Variants in HMCN1 observed in about 807,000 individuals in gnomAD.
HMCN1 encodes hemicentin-1.
In HMCN1, 321 loss-of-function variants were observed where a neutral mutation model predicts 625.9. The observed-to-expected ratio is 0.51, with a 90% confidence interval of 0.47 to 0.56. The LOEUF (loss-of-function observed/expected upper bound fraction) is 0.56. Ranked by LOEUF, HMCN1 falls within the 20% of genes least tolerant of loss-of-function variation. The probability of loss-of-function intolerance (pLI) is 0.00; values close to 1 mark genes in which losing one functional copy is unlikely to be tolerated. For missense variants in HMCN1, 6,588 were observed against 6,887.3 expected, an observed-to-expected ratio of 0.96 and a Z score of 1.54; for synonymous variants, 2,425 against 2,417.6, an observed-to-expected ratio of 1.00 and a Z score of -0.09.
intron 81 of HMCN1, among the ~76,000 whole-genome samples, chr1:186,124,589 T>C (rs1661555715): frequency 6.6e-6 from 1 of 152,102 alleles, no homozygotes; most frequent in Non-Finnish European, 1.5e-5. Flanking sequence ...TTCCAAGTTA[T>C]CTATGTTTGT....
At chr1:185,780,271 T>C (rs1040679119) in intron 1 of HMCN1, among the ~76,000 whole-genome samples, 6 of 152,216 alleles carry the variant, frequency 3.9e-5, no homozygotes, top group Admixed American at 2.0e-4. Context: ...GTTTTCTAAA[T>C]ATACAATCAT....
At chr1:185,782,471 G>A (rs1048846643) in intron 1 of HMCN1, among the ~76,000 whole-genome samples, 1 of 152,182 alleles carries the variant, frequency 6.6e-6, no homozygotes, top group Non-Finnish European at 1.5e-5. Context: ...GCATGTCTTT[G>A]CAGTGGTTGG....
chr1:186,179,431 C>A (rs1458115001), intron 104 of HMCN1, among the ~76,000 whole-genome samples: 1 of 152,094 alleles, frequency 6.6e-6, no homozygotes, highest in East Asian at 1.9e-4. Flanking sequence ...GAATTGAGAC[C>A]TTGTTTTCAG....
chr1:186,147,390 CTT>C (rs11287093), intron 93 of HMCN1, among the ~76,000 whole-genome samples: 5,984 of 138,392 alleles, frequency 0.043, 365 homozygotes, highest in African/African-American at 0.14. Context: ...GGCTTCATGT[CTT>C]TTTTTTTTTT....
At chr1:185,784,007 C>T (rs552435854) in intron 1 of HMCN1, among the ~76,000 whole-genome samples, 22 of 152,344 alleles carry the variant, frequency 1.4e-4, no homozygotes, top group South Asian at 6.2e-4. Context: ...GTTCCCAGTT[C>T]GAGCTTCCAG....
At chr1:186,154,130 G>A in intron 97 of HMCN1, 143 bp downstream of exon 97, 1 of 719,526 alleles carries the variant, frequency 1.4e-6, no homozygotes, top group East Asian at 2.7e-5. Context: ...GTTAAGTAAA[G>A]CCCTATGGAA....
chr1:185,821,085 A>G (rs1334056467), intron 1 of HMCN1, among the ~76,000 whole-genome samples: 1 of 152,016 alleles, frequency 6.6e-6, no homozygotes, highest in East Asian at 1.9e-4. Context: ...CACAGGATGT[A>G]CTATTGCTGT....
intron 4 of HMCN1, among the ~76,000 whole-genome samples, chr1:185,901,739 A>C (rs1259947677): frequency 1.3e-5 from 2 of 151,710 alleles, no homozygotes; most frequent in African/African-American, 2.4e-5. Flanking sequence ...GGTTCAATAC[A>C]TGTGTATCTG....
intron 1 of HMCN1, among the ~76,000 whole-genome samples, chr1:185,754,685 T>C (rs1442592870): frequency 2.0e-5 from 3 of 151,744 alleles, no homozygotes; most frequent in Non-Finnish European, 1.5e-5. Context: ...CTCCATCTCT[T>C]TAAAAAATAC....
At chr1:185,984,531 G>C (rs567758408) in intron 19 of HMCN1, among the ~76,000 whole-genome samples, 1 of 152,210 alleles carries the variant, frequency 6.6e-6, no homozygotes, top group Non-Finnish European at 1.5e-5. Flanking sequence ...AGCTGAGTCT[G>C]GCCAAGGGGT....
intron 11 of HMCN1, among the ~76,000 whole-genome samples, chr1:185,954,157 A>C (rs780009018): frequency 6.6e-6 from 1 of 151,762 alleles, no homozygotes; most frequent in African/African-American, 2.4e-5. Flanking sequence ...GCCATCTGGG[A>C]GTATATAAGT....
chr1:185,974,266 C>T (rs1294566768), intron 15 of HMCN1, among the ~76,000 whole-genome samples: 3 of 152,056 alleles, frequency 2.0e-5, no homozygotes, highest in Admixed American at 1.3e-4. Context: ...AGAAATTAAC[C>T]ATAGACTTAT....
chr1:185,896,597 T>C (rs1424778075), intron 4 of HMCN1, among the ~76,000 whole-genome samples: 1 of 152,202 alleles, frequency 6.6e-6, no homozygotes, highest in East Asian at 1.9e-4. Flanking sequence ...TAATATAAAA[T>C]AATGTATTTC....
intron 66 of HMCN1, among the ~76,000 whole-genome samples, chr1:186,094,073 T>A (rs1239358272): frequency 6.6e-6 from 1 of 152,144 alleles, no homozygotes; most frequent in African/African-American, 2.4e-5. Context: ...ATATTTTCAG[T>A]GGTTTATTGT....
chr1:186,048,141 C>T (rs1207506988), intron 41 of HMCN1, among the ~76,000 whole-genome samples: 1 of 152,058 alleles, frequency 6.6e-6, no homozygotes, highest in African/African-American at 2.4e-5. Flanking sequence ...CTTTATATCT[C>T]CTACCTACAC....
chr1:186,037,638 G>C (rs1655923581), intron 36 of HMCN1, among the ~76,000 whole-genome samples: 1 of 151,986 alleles, frequency 6.6e-6, no homozygotes, highest in South Asian at 2.1e-4. Context: ...AAATCAATCA[G>C]ATTAAGTAAA....
chr1:185,866,935 A>G (rs116277153), intron 4 of HMCN1, among the ~76,000 whole-genome samples: 136 of 152,018 alleles, frequency 8.9e-4, no homozygotes, highest in African/African-American at 3.1e-3. Context: ...AACGTGTGCC[A>G]TGGCATAATT....
chr1:186,042,208 T>G (rs1656256735), intron 40 of HMCN1, among the ~76,000 whole-genome samples: 1 of 152,154 alleles, frequency 6.6e-6, no homozygotes, highest in South Asian at 2.1e-4. Context: ...CAGATTTGCT[T>G]AGGTGTCTGA....
rs1349963142 is a variant in HMCN1 at position 185,994,925 on chromosome 1, A to G, written c.3616A>G (p.Lys1206Glu). 2 of 1,613,804 alleles carry G rather than the reference A, an allele frequency of 1.2e-6. No homozygotes were observed. Among genetic ancestry groups the G allele is most frequent in the Non-Finnish European group, 1.7e-6 (2 of 1,179,848 alleles). Residue 1206 changes from lysine (K) to glutamate (E), a missense_variant, in exon 24 of 107, where the codon AAA (lysine) becomes GAA (glutamate). Physicochemically the swap from Lys to Glu is moderately conservative, Grantham distance 56. This residue lies in a region of HMCN1 where 4,628 missense variants were observed against 4,853.1 expected (regional missense o/e 0.95). Coordinates refer to ENST00000271588, the MANE Select transcript of HMCN1 (RefSeq NM_031935.3). ...TCCTCTTCCTGTAATCACCTGGTCC[A>G]AAGGTGGAAGCACTATGCTGGTTGA... is the stretch of plus-strand genomic sequence containing the variant. ...GTPLPVITWS[K>E]GGSTMLVDGE...
Sources: gnomAD v4.1 joint callset for allele counts (sites outside exome capture counted in the v4.1 genomes callset) on GRCh38, gnomAD v4.1.1 for gene constraint, gnomAD v4.1.1 regional missense constraint, MANE v1.5 for transcripts, NCBI Gene and HGNC (gene_info 2026-07-23, HGNC 2026-07-21) for gene names.